The following RC3H2 variants were observed in gnomAD, a reference collection of about 807,000 sequenced individuals.
The protein encoded by RC3H2 is roquin-2.
In RC3H2, 31 loss-of-function variants were observed where a neutral mutation model predicts 133.3. The ratio of observed to expected loss-of-function variants is 0.23; its 90% CI spans 0.17 to 0.31. RC3H2 has a LOEUF of 0.31. RC3H2 is among the 10% of genes least tolerant of loss of function. The pLI is 1.00. For missense variants in RC3H2, 1,175 were observed against 1,437.2 expected, an observed-to-expected ratio of 0.82 and a Z score of 2.95; for synonymous variants, 517 against 502.2, an observed-to-expected ratio of 1.03 and a Z score of -0.40.
In RC3H2 at chr9:122,847,498, A is replaced by G. The variant is rs1279391534; in HGVS notation, c.*2129T>C. 6.6e-6 allele frequency: 1 copy of G among 152,144 alleles called. No homozygotes were observed. Among genetic ancestry groups the G allele is most frequent in the Non-Finnish European group, 1.5e-5 (1 of 67,970 alleles). 9.4% of individuals were successfully genotyped at this position (152,144 alleles called of 1,614,324 possible). On this transcript the variant is annotated 3_prime_UTR_variant, in exon 21 of 21. Transcript: ENST00000357244. ...TATTAAATATCCATGAAATAGACAG[A>G]CTGGTTTGCATATCCTTTTTGGAAT...
chr9:122,864,725 A>C (rs576815181), intron 10 of RC3H2, among the ~76,000 whole-genome samples: 10 of 151,524 alleles, frequency 6.6e-5, no homozygotes, highest in African/African-American at 1.7e-4. Flanking sequence ...GGTTCATGCC[A>C]TTCTCCTACC....
At chr9:122,867,928 TCCGGGAGGGAGGTGGGGGGGTCAGC>T in intron 9 of RC3H2, among the ~76,000 whole-genome samples, 1 of 30,218 alleles carries the variant, frequency 3.3e-5, no homozygotes, top group Admixed American at 2.4e-4. Flanking sequence ...AGCCGCCCCG[TCCGGGAGGGAGGTGGGGGGGTCAGC>T]CCCCCGCCCG....
intron 12 of RC3H2, 111 bp downstream of exon 12, chr9:122,858,557 AC>A (rs1309119642): frequency 1.2e-6 from 1 of 837,616 alleles, no homozygotes; most frequent in African/African-American, 1.7e-5. Context: ...AGGTCAAGTA[AC>A]TTCCTTAAGT....
Position 122,897,576 on chromosome 9 carries a change from G to T in RC3H2, c.-67C>A, listed in dbSNP as rs564302550. 1.6e-4 allele frequency: 244 copies of T among 1,527,856 alleles called. No homozygotes were observed. The African/African-American group carries it at 3.1e-3, about 20-fold the overall frequency. The allele number at this position is 1,527,856 out of a possible 1,614,324, so 94.6% of individuals were successfully genotyped here. ...TATTTTGCTGTGTAGTGTTTTGTAAGCTAGAAATGGACAAAAGTATGAATT... is the reference window on the plus strand; with the variant it reads ...TATTTTGCTGTGTAGTGTTTTGTAATCTAGAAATGGACAAAAGTATGAATT... On this transcript the variant is annotated splice_region_variant and 5_prime_UTR_variant, in exon 2 of 21. Transcript: ENST00000357244.
intron 17 of RC3H2, 35 bp from the exon 18 acceptor site, chr9:122,854,121 CCAACTATAGCTTT>C: frequency 1.2e-6 from 2 of 1,611,632 alleles, no homozygotes; most frequent in African/African-American, 1.3e-5. Flanking sequence ...AAGTTAGCTT[CCAACTATAGCTTT>C]CAACTGTCAT....
At chr9:122,867,490 T>G (rs1226847514) in intron 9 of RC3H2, among the ~76,000 whole-genome samples, 1 of 139,086 alleles carries the variant, frequency 7.2e-6, no homozygotes, top group Non-Finnish European at 1.6e-5. Flanking sequence ...CCAGCCGCCC[T>G]GTCGGGGATG....
chr9:122,866,699 A>G (rs1272598728), intron 9 of RC3H2, among the ~76,000 whole-genome samples: 3 of 152,028 alleles, frequency 2.0e-5, no homozygotes, highest in Non-Finnish European at 4.4e-5. Context: ...TGTCTGGTTC[A>G]CTCAGTGCTC....
chr9:122,881,286 A>C (rs1454050548), intron 5 of RC3H2, among the ~76,000 whole-genome samples: 1 of 152,048 alleles, frequency 6.6e-6, no homozygotes, highest in African/African-American at 2.4e-5. Context: ...CAGGAGTTTG[A>C]GACCAGCCTG....
intron 13 of RC3H2, among the ~76,000 whole-genome samples, chr9:122,857,554 T>C (rs548535877): frequency 1.3e-5 from 2 of 152,188 alleles, no homozygotes; most frequent in Non-Finnish European, 2.9e-5. Context: ...ATATGGAAAA[T>C]ACCTGCCCCC....
chr9:122,879,859 T>G lies in RC3H2; in HGVS notation c.1108A>C (p.Thr370Pro). ...ATTGCATTTTCCAGCTGCTCCCAAG[T>G]TGGTGAAACAGCGTCTAAAATAAGC... ...IDPNPDAVSP[T>P]WEQLENAMVA... Residue 370 changes from threonine (T) to proline (P), a missense_variant, in exon 8 of 21, where the codon ACT becomes CCT. Physicochemically the swap from Thr to Pro is conservative, Grantham distance 38 (BLOSUM62 -1). Transcript: ENST00000357244. 2 of 1,614,086 alleles carry G rather than the reference T, an allele frequency of 1.2e-6. No homozygotes were observed. Among genetic ancestry groups the G allele is most frequent in the Non-Finnish European group, 1.7e-6 (2 of 1,179,970 alleles).
At chr9:122,872,864 G>A (rs1831159306) in intron 9 of RC3H2, among the ~76,000 whole-genome samples, 2 of 152,210 alleles carry the variant, frequency 1.3e-5, no homozygotes, top group South Asian at 4.1e-4. Context: ...GGGATTACAG[G>A]CATGAGCCAC....
At chr9:122,894,318 T>C (rs1832327675) in intron 2 of RC3H2, among the ~76,000 whole-genome samples, 1 of 151,948 alleles carries the variant, frequency 6.6e-6, no homozygotes, top group African/African-American at 2.4e-5. Flanking sequence ...GTGCTTACCA[T>C]GCACTGGACA....
At chr9:122,857,826 C>CAAA (rs5900549) in intron 13 of RC3H2, 97 bp downstream of exon 13, 1 of 1,097,128 alleles carries the variant, frequency 9.1e-7, no homozygotes, top group Non-Finnish European at 1.3e-6. Context: ...CAAACCACTG[C>CAAA]AAATATCCAA....
intron 9 of RC3H2, among the ~76,000 whole-genome samples, chr9:122,875,813 T>C (rs1161740811): frequency 6.6e-6 from 1 of 152,186 alleles, no homozygotes; most frequent in Non-Finnish European, 1.5e-5. Flanking sequence ...GTACAATTAG[T>C]GTTGTGTAAT....
intron 11 of RC3H2, among the ~76,000 whole-genome samples, chr9:122,859,626 T>C (rs1454664182): frequency 6.6e-6 from 1 of 152,200 alleles, no homozygotes; most frequent in Non-Finnish European, 1.5e-5. Context: ...GTTCACTCTC[T>C]TTCCAAAATT....
At chr9:122,877,289 C>T (rs1350337078) in intron 9 of RC3H2, among the ~76,000 whole-genome samples, 182 bp downstream of exon 9, 2 of 152,192 alleles carry the variant, frequency 1.3e-5, no homozygotes, top group African/African-American at 4.8e-5. Context: ...TGGTCTCAAA[C>T]TCCTGAGCAC....
In RC3H2 at chr9:122,879,774, T is replaced by C; in HGVS notation, c.1193A>G (p.Lys398Arg). 6.2e-7 allele frequency: 1 copy of C among 1,611,678 alleles called. No individual in the cohort carries two copies. The highest frequency in any genetic ancestry group is 8.5e-7 in the Non-Finnish European group (1 of 1,178,606). Residue 398 changes from lysine (K) to arginine (R), a missense_variant, in exon 8 of 21, where the codon AAA becomes AGA. Transcript: ENST00000357244. ...ACTTACCTGAGGGGTCTCATGGCCT[T>C]TTCTACTATAATTTTGTATGAAGTC... ...LVDFIQNYSR[K>R]GHETPQPQPN...
rs762380266 is a variant in RC3H2, at chr9:122,880,650, A to G, written c.904T>C (p.Ser302Pro). Residue 302 changes from serine (S) to proline (P), a missense_variant, in exon 6 of 21, where the codon TCT (serine) becomes CCT (proline). By Grantham distance (74) the Ser-to-Pro change is moderately conservative (BLOSUM62 -1). Transcript: ENST00000357244. ...GLRISPEQWS[S>P]LLYGDLAHKS... ...TGAGCCAAATCACCATACAAAAGAG[A>G]GGACCACTGTTCAGGTGAAATACGG... 2 of 1,614,162 alleles carry G rather than the reference A, an allele frequency of 1.2e-6. No homozygotes were observed. The highest frequency in any genetic ancestry group is 2.2e-5 in the South Asian group (2 of 91,078).
intron 9 of RC3H2, among the ~76,000 whole-genome samples, chr9:122,872,630 A>T (rs1390286088): frequency 2.0e-5 from 3 of 152,086 alleles, no homozygotes; most frequent in African/African-American, 7.2e-5. Flanking sequence ...GTCTCACTCT[A>T]TCACCCAGGT....
Sources: allele counts gnomAD v4.1 joint callset (sites outside exome capture counted in the v4.1 genomes callset), GRCh38; gene constraint gnomAD v4.1.1; transcripts MANE v1.5; gene names NCBI Gene and HGNC (gene_info 2026-07-23, HGNC 2026-07-21).